CRADD: variants seen among roughly 807,000 people sequenced by gnomAD.
CRADD encodes the protein CARD and death domain containing adaptor protein, also known as death domain-containing protein CRADD.
CRADD carries 9 observed loss-of-function variants against 15.5 expected under a neutral mutation model. The ratio of observed to expected loss-of-function variants is 0.58; its 90% CI spans 0.35 to 1.01. The LOEUF (loss-of-function observed/expected upper bound fraction) is 1.01, where lower values mean the gene tolerates loss of function less well. Ranked by LOEUF, CRADD falls within the 50% of genes least tolerant of loss-of-function variation. The pLI, the probability that CRADD is intolerant of heterozygous loss-of-function variation, is 0.02. For synonymous variants in CRADD, 118 were observed against 107.6 expected (o/e 1.10, Z -0.60); for missense variants, 227 against 250.3 (o/e 0.91, Z 0.63).
intron 2 of CRADD, among the ~76,000 whole-genome samples, chr12:93,701,412 T>C (rs1337009045): frequency 1.3e-5 from 2 of 152,134 alleles, no homozygotes; most frequent in Non-Finnish European, 2.9e-5. Flanking sequence ...TCTCTCTTTA[T>C]GCTTTGCCAT....
intron 2 of CRADD, among the ~76,000 whole-genome samples, chr12:93,808,449 C>G (rs1255329617): frequency 3.3e-5 from 5 of 152,082 alleles, no homozygotes; most frequent in Non-Finnish European, 7.3e-5. Flanking sequence ...CCCCATGATT[C>G]AGTGATCTCC....
chr12:93,843,968 C>A (rs139216640), intron 2 of CRADD, among the ~76,000 whole-genome samples: 2 of 152,076 alleles, frequency 1.3e-5, no homozygotes, highest in Admixed American at 1.3e-4. Context: ...GTGATTCACC[C>A]ACCTTGTCTT....
intron 2 of CRADD, among the ~76,000 whole-genome samples, chr12:93,811,051 C>T (rs1483493801): frequency 7.7e-5 from 2 of 26,028 alleles, no homozygotes; most frequent in Non-Finnish European, 1.6e-4. Context: ...TTTCCCTTAG[C>T]CCCCCCTCCT....
chr12:93,713,376 G>A (rs1401304260), intron 2 of CRADD, among the ~76,000 whole-genome samples: 1 of 152,148 alleles, frequency 6.6e-6, no homozygotes, highest in Admixed American at 6.5e-5. Context: ...ACTCCTGTAA[G>A]TTGATTATAG....
intron 2 of CRADD, among the ~76,000 whole-genome samples, chr12:93,821,826 G>A (rs972761796): frequency 7.2e-5 from 11 of 152,120 alleles, no homozygotes; most frequent in African/African-American, 1.9e-4. Context: ...ACATCAAGAT[G>A]TAGACAGCAG....
At chr12:93,689,270 G>T (rs143994665) in intron 2 of CRADD, among the ~76,000 whole-genome samples, 394 of 152,250 alleles carry the variant, frequency 2.6e-3, no homozygotes, top group Non-Finnish European at 3.6e-3. Flanking sequence ...TTCACCAAAT[G>T]CTTAGCAAGG....
At chr12:93,869,394 T>C (rs577094070) in intron 2 of CRADD, among the ~76,000 whole-genome samples, 16 of 152,142 alleles carry the variant, frequency 1.1e-4, no homozygotes, top group Admixed American at 3.9e-4. Flanking sequence ...AGCAGAAATA[T>C]ATGACAATAA....
intron 2 of CRADD, among the ~76,000 whole-genome samples, chr12:93,724,370 C>A (rs1445573991): frequency 7.4e-6 from 1 of 135,212 alleles, no homozygotes. Flanking sequence ...CAGAGCCAGA[C>A]CCTGTCTCAA....
intron 2 of CRADD, among the ~76,000 whole-genome samples, chr12:93,845,860 T>G (rs1958108635): frequency 6.6e-6 from 1 of 152,218 alleles, no homozygotes; most frequent in Non-Finnish European, 1.5e-5. Context: ...GTTAAGTACC[T>G]TCACATTGTT....
At chr12:93,697,624 G>T (rs1362978150) in intron 2 of CRADD, among the ~76,000 whole-genome samples, 1 of 152,142 alleles carries the variant, frequency 6.6e-6, no homozygotes, top group Non-Finnish European at 1.5e-5. Context: ...TTAAAAAAGA[G>T]ATAGCCAGTG....
chr12:93,774,387 C>T (rs989951133), intron 2 of CRADD, among the ~76,000 whole-genome samples: 3 of 152,132 alleles, frequency 2.0e-5, no homozygotes, highest in African/African-American at 7.2e-5. Context: ...AGCCTGAGGG[C>T]TTGAGGAATT....
intron 2 of CRADD, among the ~76,000 whole-genome samples, chr12:93,858,534 G>T (rs1013692535): frequency 6.6e-6 from 1 of 152,094 alleles, no homozygotes; most frequent in Non-Finnish European, 1.5e-5. Flanking sequence ...GCCACTGTTG[G>T]GACTCAGAAA....
chr12:93,848,151 AT>A (rs150428836), intron 2 of CRADD, among the ~76,000 whole-genome samples: 4,085 of 146,318 alleles, frequency 0.028, 176 homozygotes, highest in African/African-American at 0.094. Context: ...CTGTTGCTTT[AT>A]TTTTTTTTTA....
chr12:93,771,462 A>T (rs1375868979), intron 2 of CRADD, among the ~76,000 whole-genome samples: 6 of 152,084 alleles, frequency 3.9e-5, no homozygotes, highest in African/African-American at 1.4e-4. Context: ...ATATTTTCCT[A>T]TTACTTAATA....
chr12:93,805,776 C>T (rs1957530360), intron 2 of CRADD, among the ~76,000 whole-genome samples: 1 of 152,096 alleles, frequency 6.6e-6, no homozygotes, highest in Admixed American at 6.6e-5. Flanking sequence ...ATGCAGCAGC[C>T]TGCTTGTCGG....
At chr12:93,843,846 A>G (rs964006311) in intron 2 of CRADD, among the ~76,000 whole-genome samples, 17 of 151,940 alleles carry the variant, frequency 1.1e-4, no homozygotes, top group African/African-American at 3.9e-4. Flanking sequence ...ACAGCCTCCC[A>G]AGTAGCTGGA....
chr12:93,742,857 G>C (rs1956697066), intron 2 of CRADD, among the ~76,000 whole-genome samples: 1 of 152,070 alleles, frequency 6.6e-6, no homozygotes, highest in Admixed American at 6.6e-5. Flanking sequence ...TCCAGATCCT[G>C]AACAGGTTAT....
chr12:93,782,595 A>G (rs1168518352), intron 2 of CRADD, among the ~76,000 whole-genome samples: 2 of 134,624 alleles, frequency 1.5e-5, no homozygotes, highest in Non-Finnish European at 3.1e-5. Context: ...CCGTCTCAGG[A>G]AAAAAAAAAA....
At chr12:93,765,987 T>TTGAAATTGAC (rs1296358863) in intron 2 of CRADD, among the ~76,000 whole-genome samples, 24 of 152,210 alleles carry the variant, frequency 1.6e-4, no homozygotes, top group African/African-American at 5.8e-4. Flanking sequence ...TTGAAAGTGA[T>TTGAAATTGAC]TGAAATTGAC....
Sources: gnomAD v4.1 joint callset for allele counts (sites outside exome capture counted in the v4.1 genomes callset) on GRCh38, gnomAD v4.1.1 for gene constraint, MANE v1.5 for transcripts, NCBI Gene and HGNC (gene_info 2026-07-23, HGNC 2026-07-21) for gene names.